The following TMEM106B variants were observed in gnomAD, a reference collection of about 807,000 sequenced individuals.
TMEM106B encodes transmembrane protein 106B.
TMEM106B carries 15 observed loss-of-function variants against 31.1 expected under a neutral mutation model. The ratio of observed to expected loss-of-function variants is 0.48; its 90% CI spans 0.32 to 0.74. The LOEUF (loss-of-function observed/expected upper bound fraction) is 0.74. Among genes scored for constraint, TMEM106B ranks in the 30% least tolerant of loss-of-function variants. The pLI is 0.03. For synonymous variants in TMEM106B, 126 were observed against 112.5 expected (o/e 1.12, Z -0.76); for missense variants, 283 against 327.3 (o/e 0.86, Z 1.04).
At position 12,240,611 on chromosome 7, in the gene TMEM106B, A is replaced by G. The variant is rs1429978838; in HGVS notation, c.*8636A>G. On this transcript the variant is annotated 3_prime_UTR_variant, in exon 8 of 8. Transcript: ENST00000396668. ...CGAAAATGAAAAGATGTATTACCTGAATGTGCTCCTCCTAGCCAGTTTCTC... is the reference window on the plus strand; with the variant it reads ...CGAAAATGAAAAGATGTATTACCTGGATGTGCTCCTCCTAGCCAGTTTCTC... 6.6e-6 allele frequency: 1 copy of G among 152,084 alleles called. No homozygotes were observed. The highest frequency in any genetic ancestry group is 1.5e-5 in the Non-Finnish European group (1 of 68,028). The allele number at this position is 152,084 out of a possible 1,614,324, so 9.4% of individuals were successfully genotyped here.
intron 5 of TMEM106B, 85 bp downstream of exon 5, chr7:12,229,904 TC>T (rs1442441420): frequency 7.0e-7 from 1 of 1,419,362 alleles, no homozygotes; most frequent in African/African-American, 1.4e-5. Context: ...GTGGGGGATT[TC>T]CTCAAAAACT....
Position 12,233,444 on chromosome 7 carries a change from T to C in TMEM106B, c.*1469T>C, listed in dbSNP as rs535889498. 1 of 151,680 alleles carries C rather than the reference T, an allele frequency of 6.6e-6. No homozygotes were observed. Among genetic ancestry groups the C allele is most frequent in the Non-Finnish European group, 1.5e-5 (1 of 67,670 alleles). 9.4% of individuals were successfully genotyped at this position (151,680 alleles called of 1,614,324 possible). A position where few individuals can be genotyped will look rare whatever the true frequency, so the allele number is the denominator to read the frequency against. ...CAGCCTGTTTATTAGTCTGACTCTC[T>C]CAACCATAAAACATAAGCTTTATTT... is the stretch of plus-strand genomic sequence containing the variant. On this transcript the variant is annotated 3_prime_UTR_variant, in exon 8 of 8. Transcript: ENST00000396668.
chr7:12,226,231 ATC>A (rs1680425397), intron 4 of TMEM106B, among the ~76,000 whole-genome samples: 1 of 152,016 alleles, frequency 6.6e-6, no homozygotes, highest in Non-Finnish European at 1.5e-5. Context: ...ATTGGTCTGT[ATC>A]TCTGTTTTGG....
chr7:12,222,818 T>C (rs557113196), intron 3 of TMEM106B, among the ~76,000 whole-genome samples: 6 of 152,352 alleles, frequency 3.9e-5, no homozygotes, highest in African/African-American at 1.4e-4. Context: ...CAGTTTGCTC[T>C]GTTCTTAACT....
At chr7:12,214,712 C>T (rs1484115808) in intron 1 of TMEM106B, 97 bp from the exon 2 acceptor site, 6 of 1,063,074 alleles carry the variant, frequency 5.6e-6, no homozygotes, top group Non-Finnish European at 6.6e-6. Flanking sequence ...TTGACTGTTC[C>T]TTGACTGTTC....
At chr7:12,228,424 A>G (rs964197193) in intron 4 of TMEM106B, among the ~76,000 whole-genome samples, 25 of 148,030 alleles carry the variant, frequency 1.7e-4, no homozygotes, top group African/African-American at 6.1e-4. Context: ...ACATTTGTTA[A>G]TACCTTGTAA....
Position 12,240,410 on chromosome 7 carries a change from GT to G in TMEM106B, c.*8442del, listed in dbSNP as rs1015056610. The stretch of plus-strand genomic sequence containing the variant: ...TGCCCAGTCACAAAGTTTGAGCCAA[GT>G]TTTTTTGTTTTAAACTTGTTTTAAA... On this transcript the variant is annotated 3_prime_UTR_variant, in exon 8 of 8. Transcript: ENST00000396668. The G allele has an allele frequency of 1.7e-4, 26 of 151,992 alleles. No homozygotes were observed. The highest frequency in any genetic ancestry group is 6.3e-4 in the African/African-American group (26 of 41,392). The allele number at this position is 151,992 out of a possible 1,614,324, so 9.4% of individuals were successfully genotyped here. A position where few individuals can be genotyped will look rare whatever the true frequency, so the allele number is the denominator to read the frequency against.
intron 2 of TMEM106B, among the ~76,000 whole-genome samples, chr7:12,216,560 G>C (rs1057025227): frequency 1.3e-5 from 2 of 152,096 alleles, no homozygotes; most frequent in African/African-American, 4.8e-5. Flanking sequence ...ATGTATAGAT[G>C]ACACTTAAAG....
chr7:12,212,427 A>G (rs1206831566), intron 1 of TMEM106B, among the ~76,000 whole-genome samples: 5 of 151,996 alleles, frequency 3.3e-5, no homozygotes, highest in Non-Finnish European at 7.4e-5. Flanking sequence ...GATTAAGACA[A>G]TGATTTTTTA....
chr7:12,222,839 A>G (rs1781814614), intron 3 of TMEM106B, among the ~76,000 whole-genome samples: 1 of 152,222 alleles, frequency 6.6e-6, no homozygotes, highest in Non-Finnish European at 1.5e-5. Flanking sequence ...TGGGCAACTT[A>G]AAACACTAAG....
At chr7:12,230,493 A>G (rs1353033288) in intron 6 of TMEM106B, 55 bp downstream of exon 6, 9 of 1,187,420 alleles carry the variant, frequency 7.6e-6, no homozygotes, top group East Asian at 2.4e-5. Context: ...TGTATAAAAT[A>G]AAGTATAAAG....
rs146922384 is a variant in TMEM106B, at chr7:12,234,487, C to G, written c.*2512C>G. 2.0e-3 allele frequency: 310 copies of G among 151,922 alleles called. 1 individual carries two copies. The highest frequency in any genetic ancestry group is 7.0e-3 in the African/African-American group (291 of 41,530). The allele number at this position is 151,922 out of a possible 1,614,324, so 9.4% of individuals were successfully genotyped here. ...CAAAACAGGCTGTAAATTAATAAAA[C>G]TACAAACACACATTCAGGTGAAGCA... On this transcript the variant is annotated 3_prime_UTR_variant, in exon 8 of 8. Coordinates refer to ENST00000396668, the MANE Select transcript of TMEM106B (RefSeq NM_001134232.2).
chr7:12,223,811 C>T (rs11974304), intron 3 of TMEM106B, among the ~76,000 whole-genome samples: 76,185 of 150,576 alleles, frequency 0.51, 20,300 homozygotes, highest in African/African-American at 0.66. Context: ...ACCTCTGCCT[C>T]CCGGGTTCAA....
At chr7:12,217,931 G>C (rs942043101) in intron 2 of TMEM106B, among the ~76,000 whole-genome samples, 2 of 152,114 alleles carry the variant, frequency 1.3e-5, no homozygotes, top group Non-Finnish European at 2.9e-5. Context: ...ACATGGATTG[G>C]GGTGAGACCT....
chr7:12,229,645 T>C (rs759845604), intron 4 of TMEM106B, 34 bp from the exon 5 acceptor site: 2 of 1,502,034 alleles, frequency 1.3e-6, no homozygotes, highest in South Asian at 2.6e-5. Flanking sequence ...TATTTTTAGC[T>C]AACTTGTAAA....
rs1403177096 is a variant in TMEM106B at position 12,239,492 on chromosome 7, A to T, written c.*7517A>T. Reference sequence around the variant, plus strand: ...TCAAGAACTTTTCCTTTGCCTTCACAACTTGTGCAAGAGACCTAGCTTTCA... The same window carrying T: ...TCAAGAACTTTTCCTTTGCCTTCACTACTTGTGCAAGAGACCTAGCTTTCA... On this transcript the variant is annotated 3_prime_UTR_variant, in exon 8 of 8. Transcript: ENST00000396668. 1 of 152,160 alleles carries T rather than the reference A, an allele frequency of 6.6e-6. No individual in the cohort carries two copies. The highest frequency in any genetic ancestry group is 2.4e-5 in the African/African-American group (1 of 41,440). 9.4% of individuals were successfully genotyped at this position (152,160 alleles called of 1,614,324 possible).
At chr7:12,219,210 T>C (rs2128524846) in intron 3 of TMEM106B, among the ~76,000 whole-genome samples, 1 of 152,230 alleles carries the variant, frequency 6.6e-6, no homozygotes, top group Admixed American at 6.5e-5. Flanking sequence ...GAATCCAATG[T>C]TTACAGGACA....
At chr7:12,231,521 T>C (rs992263149) in intron 7 of TMEM106B, 1 of 258,442 alleles carries the variant, frequency 3.9e-6, no homozygotes, top group South Asian at 1.2e-4. Flanking sequence ...TGACATTTGA[T>C]TAACCTTTTT....
rs1038091986 is a variant in TMEM106B at position 12,232,940 on chromosome 7, A to G, written c.*965A>G. The G allele has an allele frequency of 6.6e-6, 1 of 151,782 alleles. No individual in the cohort carries two copies. 9.4% of individuals were successfully genotyped at this position (151,782 alleles called of 1,614,324 possible). ...CTTTTCATACTAAAGAATGGTGTAG[A>G]CATGTTTTGCAACTGTTAGGTACCC... On this transcript the variant is annotated 3_prime_UTR_variant, in exon 8 of 8. Transcript: ENST00000396668.
Sources: gnomAD v4.1 joint callset for allele counts (sites outside exome capture counted in the v4.1 genomes callset) on GRCh38, gnomAD v4.1.1 for gene constraint, MANE v1.5 for transcripts, NCBI Gene and HGNC (gene_info 2026-07-23, HGNC 2026-07-21) for gene names.